The following PTPRO variants were observed in gnomAD, a reference collection of about 807,000 sequenced individuals.
PTPRO encodes receptor-type tyrosine-protein phosphatase O.
In PTPRO, 62 loss-of-function variants were observed where a neutral mutation model predicts 145.2. The ratio of observed to expected loss-of-function variants is 0.43; its 90% CI spans 0.35 to 0.53. PTPRO has a LOEUF of 0.53. Among genes scored for constraint, PTPRO ranks in the 20% least tolerant of loss-of-function variants. PTPRO has a pLI of 0.01. For synonymous variants in PTPRO, 565 were observed against 514.7 expected (o/e 1.10, Z -1.32); for missense variants, 1,345 against 1,482.7 (o/e 0.91, Z 1.53).
chr12:15,356,863 C>T (rs1383981168), intron 1 of PTPRO, among the ~76,000 whole-genome samples: 5 of 151,946 alleles, frequency 3.3e-5, no homozygotes, highest in Non-Finnish European at 5.9e-5. Context: ...ATCTTTTCTC[C>T]TTTCTGTGCT....
chr12:15,373,085 A>G (rs1184535072), intron 1 of PTPRO, among the ~76,000 whole-genome samples: 6 of 152,224 alleles, frequency 3.9e-5, no homozygotes, highest in Admixed American at 3.9e-4. Context: ...GTGAAAATAC[A>G]TGGAAAAATT....
rs1388316254 is a variant in PTPRO at position 15,469,932 on chromosome 12, T to A, written c.76-14042T>A. ...AAATTTGCATGTATGGTTTCATTTG[T>A]CCCTACCCCCTAAAAAACTGTCATA... On this transcript the variant is annotated intron_variant, in intron 1 of 26. Coordinates refer to ENST00000281171, the MANE Select transcript of PTPRO (RefSeq NM_030667.3). Among the ~76,000 whole-genome samples, 3 of 152,304 alleles carry A rather than the reference T, an allele frequency of 2.0e-5. No individual in the cohort carries two copies. The East Asian group carries it at 5.8e-4, about 29-fold the overall frequency.
chr12:15,509,185 C>T (rs1258448399), intron 7 of PTPRO, among the ~76,000 whole-genome samples: 2 of 151,800 alleles, frequency 1.3e-5, no homozygotes, highest in Non-Finnish European at 1.5e-5. Flanking sequence ...GAGGAGTTCA[C>T]GGAAGAAGGA....
At chr12:15,422,688 C>T (rs1025316832) in intron 1 of PTPRO, among the ~76,000 whole-genome samples, 2 of 152,118 alleles carry the variant, frequency 1.3e-5, no homozygotes, top group Non-Finnish European at 2.9e-5. Context: ...GGTTTTCAGG[C>T]TCATCTTATT....
At chr12:15,459,643 TG>T (rs2136393926) in intron 1 of PTPRO, among the ~76,000 whole-genome samples, 1 of 152,310 alleles carries the variant, frequency 6.6e-6, no homozygotes, top group Non-Finnish European at 1.5e-5. Flanking sequence ...GTTGAATCAC[TG>T]GGTTTATGAT....
intron 1 of PTPRO, among the ~76,000 whole-genome samples, chr12:15,442,937 A>G (rs1351545622): frequency 6.6e-6 from 1 of 152,158 alleles, no homozygotes; most frequent in African/African-American, 2.4e-5. Flanking sequence ...CTATCAAGCT[A>G]CCAACATCAT....
At chr12:15,460,764 C>A (rs545882746) in intron 1 of PTPRO, among the ~76,000 whole-genome samples, 1 of 152,288 alleles carries the variant, frequency 6.6e-6, no homozygotes, top group East Asian at 1.9e-4. Context: ...TTTCCTTGAA[C>A]CATCAAGATA....
chr12:15,335,496 A>T (rs903172540), intron 1 of PTPRO, among the ~76,000 whole-genome samples: 1 of 152,070 alleles, frequency 6.6e-6, no homozygotes, highest in Non-Finnish European at 1.5e-5. Context: ...TTCCTCTGCA[A>T]TTTTCCCTAA....
intron 8 of PTPRO, 136 bp from the exon 9 acceptor site, chr12:15,516,627 A>G (rs993055267): frequency 8.0e-5 from 58 of 727,140 alleles, no homozygotes; most frequent in African/African-American, 7.0e-4. Context: ...GGAAGGAAGG[A>G]AGGAAGGAAG....
intron 14 of PTPRO, among the ~76,000 whole-genome samples, chr12:15,550,254 T>C (rs995241356): frequency 1.3e-5 from 2 of 152,128 alleles, no homozygotes; most frequent in African/African-American, 4.8e-5. Flanking sequence ...GAAAAGAAAA[T>C]GTTATTGAGA....
chr12:15,484,888 C>T (rs1195159411), intron 2 of PTPRO, among the ~76,000 whole-genome samples: 1 of 152,036 alleles, frequency 6.6e-6, no homozygotes, highest in East Asian at 1.9e-4. Flanking sequence ...TTTCACTTTA[C>T]TCACTGACTT....
At chr12:15,544,445 C>T (rs1943239890) in intron 12 of PTPRO, among the ~76,000 whole-genome samples, 1 of 137,126 alleles carries the variant, frequency 7.3e-6, no homozygotes, top group South Asian at 2.3e-4. Flanking sequence ...GCAGAGGTTG[C>T]AGTGAGCCGA....
chr12:15,541,957 G>C (rs1250854854), intron 12 of PTPRO, among the ~76,000 whole-genome samples: 1 of 152,004 alleles, frequency 6.6e-6, no homozygotes, highest in East Asian at 1.9e-4. Context: ...TTTGCAGTGA[G>C]CCAAGATCAT....
chr12:15,412,468 T>C (rs954344777), intron 1 of PTPRO, among the ~76,000 whole-genome samples: 7 of 152,228 alleles, frequency 4.6e-5, no homozygotes, highest in Non-Finnish European at 1.0e-4. Context: ...AAGTTTAGCT[T>C]TTGCTGCTGT....
At position 15,560,220 on chromosome 12, in the gene PTPRO, C is replaced by T. The variant is rs998592617; in HGVS notation, c.2655C>T (p.Thr885=). The T allele has an allele frequency of 1.2e-5, 19 of 1,595,672 alleles. No individual in the cohort carries two copies. The highest frequency in any genetic ancestry group is 1.7e-4 in the Middle Eastern group (1 of 6,048). Residue 885 remains threonine, a synonymous_variant, in exon 17 of 27, where the codon ACC becomes ACT. Coordinates refer to ENST00000281171, the MANE Select transcript of PTPRO (RefSeq NM_030667.3). The part of the protein sequence containing the change: ...NWRRSIFAFL[T]LLPSCLWTDY... ...GTAGGAGTATATTTGCTTTCTTAACCCTGCTACCCTCATGTCTTTGGACTG... is the reference window on the plus strand; with the variant it reads ...GTAGGAGTATATTTGCTTTCTTAACTCTGCTACCCTCATGTCTTTGGACTG...
intron 5 of PTPRO, among the ~76,000 whole-genome samples, chr12:15,503,606 A>T (rs149090662): frequency 0.016 from 2,427 of 152,228 alleles, 36 homozygotes; most frequent in Non-Finnish European, 0.027. Flanking sequence ...CTGATTATCT[A>T]CTTCTATTTT....
At chr12:15,370,506 C>T (rs1226394837) in intron 1 of PTPRO, among the ~76,000 whole-genome samples, 1 of 152,012 alleles carries the variant, frequency 6.6e-6, no homozygotes, top group Non-Finnish European at 1.5e-5. Flanking sequence ...AAGCATAAGT[C>T]TAAAGGCATA....
intron 12 of PTPRO, among the ~76,000 whole-genome samples, chr12:15,542,759 A>G (rs1943205481): frequency 6.6e-6 from 1 of 152,144 alleles, no homozygotes; most frequent in Non-Finnish European, 1.5e-5. Flanking sequence ...TATTAATAAG[A>G]TATTTTATTC....
chr12:15,371,288 A>C (rs1938522731), intron 1 of PTPRO, among the ~76,000 whole-genome samples: 1 of 150,600 alleles, frequency 6.6e-6, no homozygotes, highest in African/African-American at 2.5e-5. Context: ...GCTGGAGTGC[A>C]GTGGTGCAAT....
Sources: allele counts gnomAD v4.1 joint callset (sites outside exome capture counted in the v4.1 genomes callset), GRCh38; gene constraint gnomAD v4.1.1; transcripts MANE v1.5; gene names NCBI Gene and HGNC (gene_info 2026-07-23, HGNC 2026-07-21).